The following MICU1 variants were observed in gnomAD, a reference collection of about 807,000 sequenced individuals.
MICU1 encodes the protein mitochondrial calcium uptake 1.
Under a neutral mutation model 56.8 loss-of-function variants are expected in MICU1, and 45 were observed. The observed-to-expected ratio is 0.79, with a 90% CI of 0.62 to 1.02. The LOEUF is 1.02. Ranked by LOEUF, MICU1 falls within the 50% of genes least tolerant of loss-of-function variation. The pLI is 0.00. For missense variants in MICU1, 504 were observed against 587.1 expected, an observed-to-expected ratio of 0.86 and a Z score of 1.46; for synonymous variants, 186 against 195.1, an observed-to-expected ratio of 0.95 and a Z score of 0.39.
At chr10:72,379,591 T>C (rs1348765413) in intron 10 of MICU1, 1 of 428,210 alleles carries the variant, frequency 2.3e-6, no homozygotes, top group Non-Finnish European at 4.7e-6. Flanking sequence ...TTCCTGTAAA[T>C]AAACCATTAA....
intron 6 of MICU1, among the ~76,000 whole-genome samples, chr10:72,501,447 T>C (rs1442260279): frequency 6.6e-6 from 1 of 151,272 alleles, no homozygotes; most frequent in African/African-American, 2.4e-5. Context: ...TTTTTTTTAA[T>C]AAAATGAAAA....
chr10:72,621,340 AAAAT>A (rs1842099976), intron 1 of MICU1, among the ~76,000 whole-genome samples: 2 of 151,974 alleles, frequency 1.3e-5, no homozygotes, highest in Non-Finnish European at 1.5e-5. Context: ...ATACAAAAAA[AAAAT>A]AGCCAGCCGT....
chr10:72,489,726 T>C (rs1337058495), intron 6 of MICU1, among the ~76,000 whole-genome samples: 1 of 152,182 alleles, frequency 6.6e-6, no homozygotes, highest in Non-Finnish European at 1.5e-5. Context: ...TGTATGTTTT[T>C]CTAATAATCA....
At chr10:72,460,341 C>T (rs1865604457) in intron 8 of MICU1, among the ~76,000 whole-genome samples, 1 of 148,824 alleles carries the variant, frequency 6.7e-6, no homozygotes, top group Non-Finnish European at 1.5e-5. Context: ...TTTTGCACAG[C>T]TCTCTCTCTC....
intron 1 of MICU1, among the ~76,000 whole-genome samples, chr10:72,595,607 A>C (rs887464057): frequency 6.6e-6 from 1 of 152,158 alleles, no homozygotes; most frequent in Non-Finnish European, 1.5e-5. Context: ...CAATCTAAAC[A>C]ACCACTTCTT....
At chr10:72,569,237 A>ATATATATTTTTTTTTTTTTTTTTTTT in intron 1 of MICU1, among the ~76,000 whole-genome samples, 1 of 34,392 alleles carries the variant, frequency 2.9e-5, no homozygotes, top group African/African-American at 1.1e-4. Flanking sequence ...ATATATATAT[A>ATATATATTTTTTTTTTTTTTTTTTTT]TTTTTTTTTT....
intron 8 of MICU1, among the ~76,000 whole-genome samples, chr10:72,442,043 C>T (rs1371323234): frequency 6.6e-6 from 1 of 152,192 alleles, no homozygotes; most frequent in Non-Finnish European, 1.5e-5. Flanking sequence ...AATATCGAAA[C>T]CTGTCTAATA....
chr10:72,437,346 A>G (rs112329222), intron 8 of MICU1, among the ~76,000 whole-genome samples: 5 of 152,312 alleles, frequency 3.3e-5, no homozygotes, highest in East Asian at 1.9e-4. Context: ...AGCAAATGCC[A>G]AGAGATTTTG....
chr10:72,488,111 T>C (rs1031880692), intron 6 of MICU1, among the ~76,000 whole-genome samples: 8 of 150,902 alleles, frequency 5.3e-5, no homozygotes, highest in African/African-American at 1.9e-4. Flanking sequence ...CAGAATTGCT[T>C]GAACCCAGGA....
chr10:72,369,758 G>C (rs1226823664), intron 11 of MICU1, among the ~76,000 whole-genome samples: 1 of 152,066 alleles, frequency 6.6e-6, no homozygotes, highest in Non-Finnish European at 1.5e-5. Flanking sequence ...GCCCAGGCTG[G>C]AGTGCAGTGG....
intron 8 of MICU1, among the ~76,000 whole-genome samples, chr10:72,434,910 C>CCCT (rs1435777316): frequency 2.0e-5 from 3 of 152,028 alleles, no homozygotes; most frequent in Non-Finnish European, 4.4e-5. Context: ...ACCTAAAGAC[C>CCCT]CCTATACCAG....
intron 6 of MICU1, among the ~76,000 whole-genome samples, chr10:72,498,308 G>C (rs146878150): frequency 2.2e-4 from 33 of 152,242 alleles, no homozygotes; most frequent in African/African-American, 7.2e-4. Context: ...AGCCTGGGCC[G>C]GGCACAGTGG....
At chr10:72,425,983 C>A (rs1340028365) in intron 8 of MICU1, among the ~76,000 whole-genome samples, 1 of 152,124 alleles carries the variant, frequency 6.6e-6, no homozygotes, top group African/African-American at 2.4e-5. Context: ...ATTGCTAATC[C>A]AAAAACCCCA....
chr10:72,484,920 G>A (rs1866416837), intron 6 of MICU1, among the ~76,000 whole-genome samples: 1 of 110,804 alleles, frequency 9.0e-6, no homozygotes, highest in African/African-American at 2.5e-5. Flanking sequence ...ACAAGGGTTG[G>A]TAAACTATGG....
chr10:72,569,261 G>A (rs61865730), intron 1 of MICU1, among the ~76,000 whole-genome samples: 42,766 of 82,246 alleles, frequency 0.52, 13,236 homozygotes, highest in Non-Finnish European at 0.66. Flanking sequence ...TTGAGATGGC[G>A]TCTCACTCTG....
At chr10:72,543,307 A>T (rs1839818385) in intron 4 of MICU1, among the ~76,000 whole-genome samples, 1 of 152,228 alleles carries the variant, frequency 6.6e-6, no homozygotes, top group Non-Finnish European at 1.5e-5. Context: ...TTTAAAATAC[A>T]TTCCATGTAT....
chr10:72,533,918 G>T, intron 4 of MICU1, 129 bp from the exon 5 acceptor site: 1 of 620,376 alleles, frequency 1.6e-6, no homozygotes, highest in South Asian at 2.2e-5. Context: ...AAGGCCACAG[G>T]AATGAATATT....
chr10:72,597,206 T>C (rs1841404943), intron 1 of MICU1, among the ~76,000 whole-genome samples: 1 of 152,222 alleles, frequency 6.6e-6, no homozygotes, highest in Admixed American at 6.5e-5. Context: ...ACATATTTCA[T>C]ATTCCTTGAG....
At chr10:72,580,104 G>A (rs1410258250) in intron 1 of MICU1, among the ~76,000 whole-genome samples, 1 of 152,030 alleles carries the variant, frequency 6.6e-6, no homozygotes, top group African/African-American at 2.4e-5. Flanking sequence ...TATTTTTCAA[G>A]AGTTTATCAC....
Sources: gnomAD v4.1 joint callset for allele counts (sites outside exome capture counted in the v4.1 genomes callset) on GRCh38, gnomAD v4.1.1 for gene constraint, MANE v1.5 for transcripts, NCBI Gene and HGNC (gene_info 2026-07-23, HGNC 2026-07-21) for gene names.